The following TMEM131L variants were observed in gnomAD, a reference collection of about 807,000 sequenced individuals.
TMEM131L encodes transmembrane protein 131-like.
A neutral mutation model predicts 192.2 loss-of-function variants in TMEM131L; 54 were observed. The observed-to-expected ratio is 0.28, with a 90% CI of 0.23 to 0.35. TMEM131L has a LOEUF of 0.35. Among genes scored for constraint, TMEM131L ranks in the 10% least tolerant of loss-of-function variants. The probability of loss-of-function intolerance (pLI) is 1.00; values close to 1 mark genes in which losing one functional copy is unlikely to be tolerated. For missense variants in TMEM131L, 1,888 were observed against 1,972.9 expected (o/e 0.96, Z 0.82); for synonymous variants, 701 against 704.9 (o/e 0.99, Z 0.09).
At chr4:153,554,033 T>C (rs1737824570) in intron 4 of TMEM131L, 1 of 152,250 alleles carries the variant, frequency 6.6e-6, no homozygotes, top group Non-Finnish European at 1.5e-5. Flanking sequence ...TCTTATTTTC[T>C]CATGTATTTC....
At chr4:153,486,829 G>A (rs1486397628) in intron 3 of TMEM131L, among the ~76,000 whole-genome samples, 1 of 152,256 alleles carries the variant, frequency 6.6e-6, no homozygotes, top group African/African-American at 2.4e-5. Flanking sequence ...GCAGGGTTTA[G>A]TCATAGGGAG....
chr4:153,608,707 A>G (rs961032018), intron 25 of TMEM131L, among the ~76,000 whole-genome samples: 3 of 152,214 alleles, frequency 2.0e-5, no homozygotes, highest in Non-Finnish European at 4.4e-5. Context: ...TACAGATACT[A>G]TTAACTTGAA....
At chr4:153,570,291 A>G (rs968955052) in intron 7 of TMEM131L, among the ~76,000 whole-genome samples, 1 of 152,212 alleles carries the variant, frequency 6.6e-6, no homozygotes, top group Non-Finnish European at 1.5e-5. Context: ...TTTAAGCAGA[A>G]TCGTCCCTAG....
At position 153,506,615 on chromosome 4, in the gene TMEM131L, G is replaced by A. The variant is rs181714488; in HGVS notation, c.239+32727G>A. Reference sequence around the variant, plus strand: ...CCCAGCGCTTTGAGAGGCCAAGGGGGGGACTCATCTGAGGTCAGGAGTTCA... The same window carrying A: ...CCCAGCGCTTTGAGAGGCCAAGGGGAGGACTCATCTGAGGTCAGGAGTTCA... On this transcript the variant is annotated intron_variant, in intron 3 of 34. Transcript: ENST00000409959. Among the ~76,000 whole-genome samples the A allele has an allele frequency of 1.8e-3, 269 of 152,214 alleles. 1 individual carries two copies. Among genetic ancestry groups the A allele is most frequent in the Non-Finnish European group, 3.2e-3 (220 of 68,000 alleles).
chr4:153,592,202 T>C (rs529395836), intron 17 of TMEM131L, among the ~76,000 whole-genome samples: 1 of 147,888 alleles, frequency 6.8e-6, no homozygotes, highest in Non-Finnish European at 1.5e-5. Flanking sequence ...TGTCATACTT[T>C]CCAGCATTTT....
intron 16 of TMEM131L, 100 bp from the exon 17 acceptor site, chr4:153,590,953 G>T: frequency 1.4e-6 from 1 of 739,018 alleles, no homozygotes; most frequent in Admixed American, 3.9e-5. Flanking sequence ...CTTTAAGTGG[G>T]AATAGTATTT....
rs939917070 is a variant in TMEM131L, at chr4:153,491,669, T to G, written c.239+17781T>G. Among the ~76,000 whole-genome samples, 13 of 152,286 alleles carry G rather than the reference T, an allele frequency of 8.5e-5. 1 individual carries two copies. The highest frequency in any genetic ancestry group is 6.2e-4 in the South Asian group (3 of 4,820). On this transcript the variant is annotated intron_variant, in intron 3 of 34. Coordinates refer to ENST00000409959, the MANE Select transcript of TMEM131L (RefSeq NM_001131007.2). ...ATAATTAGTCTCTGGATATTTGGATTATTTTTTAGTAGTACTTTTTTAGAG... is the reference window on the plus strand; with the variant it reads ...ATAATTAGTCTCTGGATATTTGGATGATTTTTTAGTAGTACTTTTTTAGAG...
intron 29 of TMEM131L, 127 bp from the exon 30 acceptor site, chr4:153,626,020 G>A (rs1733820420): frequency 8.4e-6 from 5 of 591,826 alleles, no homozygotes; most frequent in Non-Finnish European, 1.5e-5. Context: ...AAAAATGTGA[G>A]AATATCAGTT....
chr4:153,578,909 C>T (rs572192302), intron 7 of TMEM131L, among the ~76,000 whole-genome samples: 2 of 152,180 alleles, frequency 1.3e-5, no homozygotes, highest in South Asian at 2.1e-4. Context: ...CCACCCACCT[C>T]GGCCTCCCAA....
intron 4 of TMEM131L, among the ~76,000 whole-genome samples, chr4:153,553,068 CGCATGCTGAGAG>C (rs1024429699): frequency 6.6e-6 from 1 of 151,756 alleles, no homozygotes; most frequent in Admixed American, 6.6e-5. Context: ...TCCTAATAGT[CGCATGCTGAGAG>C]AATGCTGAAA....
chr4:153,594,603 T>C (rs1561224852), intron 19 of TMEM131L, among the ~76,000 whole-genome samples: 1 of 152,256 alleles, frequency 6.6e-6, no homozygotes, highest in Non-Finnish European at 1.5e-5. Context: ...CTATTTTTAC[T>C]ACACTATATT....
At chr4:153,506,517 A>C (rs1397862114) in intron 3 of TMEM131L, among the ~76,000 whole-genome samples, 1 of 152,166 alleles carries the variant, frequency 6.6e-6, no homozygotes, top group Non-Finnish European at 1.5e-5. Flanking sequence ...CATTCAACCA[A>C]AAAATGAGTA....
intron 29 of TMEM131L, among the ~76,000 whole-genome samples, chr4:153,625,140 A>G (rs114602738): frequency 0.025 from 3,736 of 152,296 alleles, 90 homozygotes; most frequent in Admixed American, 0.082. Flanking sequence ...GGCCGGGCGC[A>G]GTGGCTCACA....
At chr4:153,633,897 C>G (rs1030559796) in intron 32 of TMEM131L, among the ~76,000 whole-genome samples, 1 of 152,192 alleles carries the variant, frequency 6.6e-6, no homozygotes, top group African/African-American at 2.4e-5. Flanking sequence ...TCCAGCTGTT[C>G]TTTCACAGTG....
At chr4:153,556,630 T>A (rs1728474569) in intron 5 of TMEM131L, among the ~76,000 whole-genome samples, 1 of 152,212 alleles carries the variant, frequency 6.6e-6, no homozygotes, top group South Asian at 2.1e-4. Context: ...TGTTTGCACG[T>A]TGGTTATTGT....
Position 153,583,587 on chromosome 4 carries a change from A to G in TMEM131L, c.975A>G (p.Arg325=), listed in dbSNP as rs1292702632. The change falls in exon 11 of 35, where the codon AGA becomes AGG. Residue 325 remains arginine, a synonymous_variant. Coordinates refer to ENST00000409959, the MANE Select transcript of TMEM131L (RefSeq NM_001131007.2). ...AGGATATACGCCATTTCTCACAGAG[A>G]GATGCTCTGTCTCTGCAGTTTGAAC... The part of the protein sequence containing the change: ...WIQDIRHFSQ[R]DALSLQFEPV... 4.3e-6 allele frequency: 7 copies of G among 1,609,784 alleles called. No homozygotes were observed. Among genetic ancestry groups the G allele is most frequent in the Middle Eastern group, 1.6e-4 (1 of 6,074 alleles).
At position 153,636,368 on chromosome 4, in the gene TMEM131L, A is replaced by G; in HGVS notation, c.4625A>G (p.Gln1542Arg). Reference protein sequence around the residue: ...SGLFGSIWAPQSDVYENCCPI... With the variant: ...SGLFGSIWAPRSDVYENCCPI... ...CTTTTTGGTTCCATCTGGGCCCCGC[A>G]AAGCGATGTGTATGAAAATTGCTGC... is the stretch of plus-strand genomic sequence containing the variant. Residue 1542 changes from glutamine to arginine, a missense_variant, in exon 35 of 35, where the codon CAA becomes CGA. Physicochemically the swap from Gln to Arg is conservative, Grantham distance 43. Transcript: ENST00000409959. 1 of 1,614,136 alleles carries G rather than the reference A, an allele frequency of 6.2e-7. No homozygotes were observed. Among genetic ancestry groups the G allele is most frequent in the South Asian group, 1.1e-5 (1 of 91,084 alleles).
At chr4:153,627,469 C>G (rs1397877654) in intron 30 of TMEM131L, 136 bp from the exon 31 acceptor site, 1 of 621,368 alleles carries the variant, frequency 1.6e-6, no homozygotes, top group Non-Finnish European at 2.9e-6. Flanking sequence ...TCCTTTATAT[C>G]TGTATGTTTC....
Position 153,634,141 on chromosome 4 carries a change from T to C in TMEM131L, c.4329-51T>C, listed in dbSNP as rs190470074. ...TAAAATCATTTTCCATTTTCTTTACTTGATGTCTTGACATCCTGTTTCTGA... is the reference window on the plus strand; with the variant it reads ...TAAAATCATTTTCCATTTTCTTTACCTGATGTCTTGACATCCTGTTTCTGA... On this transcript the variant is annotated intron_variant, in intron 32 of 34. Transcript: ENST00000409959. 87 of 1,448,826 alleles carry C rather than the reference T, an allele frequency of 6.0e-5. No homozygotes were observed. In the African/African-American group the frequency reaches 1.1e-3, roughly 18 times the overall value. 89.7% of individuals were successfully genotyped at this position (1,448,826 alleles called of 1,614,324 possible).
Sources: gnomAD v4.1 joint callset for allele counts (sites outside exome capture counted in the v4.1 genomes callset) on GRCh38, gnomAD v4.1.1 for gene constraint, MANE v1.5 for transcripts, NCBI Gene and HGNC (gene_info 2026-07-23, HGNC 2026-07-21) for gene names.